ITPRID1: variants seen among roughly 807,000 people sequenced by gnomAD.
ITPRID1 encodes the protein protein ITPRID1.
Under a neutral mutation model 95.4 loss-of-function variants are expected in ITPRID1, and 96 were observed. That is an observed-to-expected ratio of 1.01 (90% CI 0.85 to 1.19). ITPRID1 has a LOEUF of 1.19. Among genes scored for constraint, ITPRID1 ranks in the 50% most tolerant of loss-of-function variants. ITPRID1 has a pLI of 0.00. For synonymous variants in ITPRID1, 510 were observed against 453.6 expected, an observed-to-expected ratio of 1.12 and a Z score of -1.58; for missense variants, 1,339 against 1,252.9, an observed-to-expected ratio of 1.07 and a Z score of -1.04.
downstream of ITPRID1, among the ~76,000 whole-genome samples, chr7:31,657,933 C>T (rs1791374001): frequency 1.3e-5 from 2 of 152,188 alleles, no homozygotes; most frequent in African/African-American, 4.8e-5. Context: ...AACGTGGCCT[C>T]TTCTACATTA....
At chr7:31,558,714 G>T (rs892983683) in intron 5 of ITPRID1, among the ~76,000 whole-genome samples, 1 of 152,116 alleles carries the variant, frequency 6.6e-6, no homozygotes, top group Non-Finnish European at 1.5e-5. Flanking sequence ...AGATAGAGAT[G>T]ATTTGAATTC....
intron 1 of ITPRID1, among the ~76,000 whole-genome samples, chr7:31,519,266 G>A (rs1237412992): frequency 6.6e-6 from 1 of 152,132 alleles, no homozygotes. Context: ...TATAATGATT[G>A]AAGTTAGCAC....
chr7:31,611,599 T>TATTCTATATTCAGTTTTGCTGAATATAGA (rs1562606836), intron 10 of ITPRID1, among the ~76,000 whole-genome samples: 2 of 144,194 alleles, frequency 1.4e-5, no homozygotes, highest in Non-Finnish European at 3.1e-5. Flanking sequence ...TAGAATTCTA[T>TATTCTATATTCAGTTTTGCTGAATATAGA]ATTCTATATT....
At chr7:31,582,899 C>T (rs1255747289) in intron 9 of ITPRID1, among the ~76,000 whole-genome samples, 1 of 152,052 alleles carries the variant, frequency 6.6e-6, no homozygotes, top group Non-Finnish European at 1.5e-5. Flanking sequence ...TGCACATCTT[C>T]CAGAAGAAGC....
In ITPRID1 at chr7:31,605,848, T is replaced by TTTGA. The variant is rs1345759301; in HGVS notation, c.1228+22661_1228+22664dup. ...GGCTCAGTGCCAGAGCAGCTGAGATTTTGATTGGTTTCTTCTGCTGCCAAC... is the reference window on the plus strand; with the variant it reads ...GGCTCAGTGCCAGAGCAGCTGAGATTTTGATTGATTGGTTTCTTCTGCTGCCAAC... On this transcript the variant is annotated intron_variant, in intron 10 of 14. Coordinates refer to ENST00000615280, the MANE Select transcript of ITPRID1 (RefSeq NM_001257967.3). 2.6e-5 allele frequency among the ~76,000 whole-genome samples: 4 copies of TTTGA among 152,112 alleles called. No homozygotes were observed. The East Asian group carries it at 5.8e-4, about 22-fold the overall frequency.
chr7:31,605,375 T>C (rs1786573656), intron 10 of ITPRID1, among the ~76,000 whole-genome samples: 1 of 152,194 alleles, frequency 6.6e-6, no homozygotes, highest in South Asian at 2.1e-4. Context: ...ACTGCCCAAG[T>C]GCTAGTATAA....
At chr7:31,517,364 A>C (rs1203207723) in intron 1 of ITPRID1, 1 of 152,418 alleles carries the variant, frequency 6.6e-6, no homozygotes, top group Non-Finnish European at 1.5e-5. Flanking sequence ...CCAAGTCCCC[A>C]TCCTCCCAGA....
At chr7:31,548,801 AT>A (rs1784186509) in intron 1 of ITPRID1, among the ~76,000 whole-genome samples, 1 of 152,002 alleles carries the variant, frequency 6.6e-6, no homozygotes, top group Non-Finnish European at 1.5e-5. Flanking sequence ...TGTGGTAATC[AT>A]TTTTTTGAGA....
chr7:31,637,774 C>A (rs1489402082), intron 10 of ITPRID1, among the ~76,000 whole-genome samples: 2 of 152,164 alleles, frequency 1.3e-5, no homozygotes, highest in Non-Finnish European at 2.9e-5. Context: ...GCTTTTGTTG[C>A]CATTGCTTTT....
At chr7:31,618,073 A>G (rs1038916875) in intron 10 of ITPRID1, among the ~76,000 whole-genome samples, 1 of 152,194 alleles carries the variant, frequency 6.6e-6, no homozygotes, top group Non-Finnish European at 1.5e-5. Context: ...ACAGAAGCCT[A>G]TCAGGTTCAC....
intron 10 of ITPRID1, among the ~76,000 whole-genome samples, chr7:31,630,289 A>C (rs1023971417): frequency 9.2e-5 from 14 of 151,656 alleles, no homozygotes; most frequent in Admixed American, 3.3e-4. Context: ...TATTAGTAAT[A>C]CTACCAAATA....
chr7:31,555,734 G>C (rs1784425243), intron 5 of ITPRID1, among the ~76,000 whole-genome samples: 1 of 152,162 alleles, frequency 6.6e-6, no homozygotes, highest in African/African-American at 2.4e-5. Context: ...TAGTCTAATA[G>C]TCACTTACTT....
At chr7:31,628,436 C>T (rs573464420) in intron 10 of ITPRID1, among the ~76,000 whole-genome samples, 21 of 151,834 alleles carry the variant, frequency 1.4e-4, no homozygotes, top group African/African-American at 5.1e-4. Flanking sequence ...AAGAGAAACA[C>T]AAGCGTGATT....
intron 3 of ITPRID1, 155 bp from the exon 4 acceptor site, chr7:31,554,320 T>C: frequency 7.5e-7 from 1 of 1,325,964 alleles, no homozygotes; most frequent in Non-Finnish European, 9.8e-7. Flanking sequence ...AAACAGGAGA[T>C]TTTGCCTTCA....
chr7:31,631,126 C>G (rs1389285766), intron 10 of ITPRID1, among the ~76,000 whole-genome samples: 1 of 152,092 alleles, frequency 6.6e-6, no homozygotes, highest in Non-Finnish European at 1.5e-5. Context: ...TATGGCTAAG[C>G]TCTTTTAACA....
At chr7:31,636,349 A>C (rs1789481236) in intron 10 of ITPRID1, among the ~76,000 whole-genome samples, 1 of 152,222 alleles carries the variant, frequency 6.6e-6, no homozygotes, top group Admixed American at 6.5e-5. Context: ...AATTTCATCC[A>C]TTCATTGTAA....
chr7:31,621,051 T>A (rs993128149), intron 10 of ITPRID1, among the ~76,000 whole-genome samples: 1 of 151,466 alleles, frequency 6.6e-6, no homozygotes, highest in Non-Finnish European at 1.5e-5. Flanking sequence ...AAGGGAAGTT[T>A]AGAGAAAAAA....
chr7:31,521,660 T>C (rs974133151), intron 1 of ITPRID1, among the ~76,000 whole-genome samples: 3 of 134,770 alleles, frequency 2.2e-5, no homozygotes, highest in African/African-American at 8.5e-5. Context: ...CCTTCCTTCC[T>C]TCCTTCCTTC....
At chr7:31,590,604 G>A (rs963380968) in intron 10 of ITPRID1, among the ~76,000 whole-genome samples, 1 of 152,126 alleles carries the variant, frequency 6.6e-6, no homozygotes, top group South Asian at 2.1e-4. Context: ...TATAAAGAGC[G>A]GACAAGTTGC....
Sources: gnomAD v4.1 joint callset for allele counts (sites outside exome capture counted in the v4.1 genomes callset) on GRCh38, gnomAD v4.1.1 for gene constraint, MANE v1.5 for transcripts, NCBI Gene and HGNC (gene_info 2026-07-23, HGNC 2026-07-21) for gene names.